Variants in DSCAML1 observed in about 807,000 individuals in gnomAD.
The protein encoded by DSCAML1 is DS cell adhesion molecule like 1, also known as cell adhesion molecule DSCAML1.
In DSCAML1, 38 loss-of-function variants were observed where a neutral mutation model predicts 200.5. The ratio of observed to expected loss-of-function variants is 0.19; its 90% CI spans 0.15 to 0.25. The LOEUF (loss-of-function observed/expected upper bound fraction) is 0.25. Among genes scored for constraint, DSCAML1 ranks in the 10% least tolerant of loss-of-function variants. The pLI, the probability that DSCAML1 is intolerant of heterozygous loss-of-function variation, is 1.00. For missense variants in DSCAML1, 2,223 were observed against 2,858.8 expected, an observed-to-expected ratio of 0.78 and a Z score of 5.07; for synonymous variants, 1,215 against 1,165.0, an observed-to-expected ratio of 1.04 and a Z score of -0.87.
At chr11:117,785,470 G>T (rs1412797625) in intron 1 of DSCAML1, among the ~76,000 whole-genome samples, 1 of 152,136 alleles carries the variant, frequency 6.6e-6, no homozygotes, top group South Asian at 2.1e-4. Context: ...AACCTTGCAG[G>T]CTGGAGCACT....
chr11:117,458,729 G>C (rs762444826), intron 19 of DSCAML1, 25 bp downstream of exon 19: 22 of 1,608,634 alleles, frequency 1.4e-5, no homozygotes, highest in East Asian at 1.3e-4. Flanking sequence ...GGGCCAGCCT[G>C]TCCCAAGGAG....
At chr11:117,652,419 G>A (rs1157321321) in intron 3 of DSCAML1, among the ~76,000 whole-genome samples, 3 of 152,162 alleles carry the variant, frequency 2.0e-5, no homozygotes, top group Admixed American at 6.5e-5. Context: ...GTCCCACCAC[G>A]CCATGCCCTT....
intron 3 of DSCAML1, among the ~76,000 whole-genome samples, chr11:117,542,654 G>A (rs1188037080): frequency 6.6e-6 from 1 of 152,240 alleles, no homozygotes; most frequent in Admixed American, 6.5e-5. Context: ...AAAGCACCCC[G>A]AGGTGCATGA....
intron 3 of DSCAML1, among the ~76,000 whole-genome samples, chr11:117,546,042 C>A (rs1317455954): frequency 6.6e-6 from 1 of 152,238 alleles, no homozygotes; most frequent in Non-Finnish European, 1.5e-5. Flanking sequence ...CACGCAGAGC[C>A]AGAAGCTTTG....
rs915870006 is a variant in DSCAML1, at chr11:117,480,347, A to C, written c.2785+96T>G. 6.5e-7 allele frequency: 1 copy of C among 1,542,440 alleles called. No homozygotes were observed. The highest frequency in any genetic ancestry group is 1.7e-4 in the Middle Eastern group (1 of 5,742). ...TGTCTAGCTTGGATGGGCAGCCCTA[A>C]GGCTCAGGGGCTCTCCTCCCAGAGG... On this transcript the variant is annotated intron_variant, in intron 14 of 32. Transcript: ENST00000651296. This position sits in a 1 kb window ranked among gnomAD's most constrained non-coding sequence, Gnocchi z 4.1.
chr11:117,759,851 C>T (rs1183938301), intron 3 of DSCAML1, among the ~76,000 whole-genome samples: 3 of 152,152 alleles, frequency 2.0e-5, no homozygotes, highest in Non-Finnish European at 2.9e-5. Flanking sequence ...AACAGGATCC[C>T]GAGGCAGACA....
chr11:117,499,228 A>G (rs1487227421), intron 11 of DSCAML1, among the ~76,000 whole-genome samples: 1 of 152,196 alleles, frequency 6.6e-6, no homozygotes, highest in Non-Finnish European at 1.5e-5. Flanking sequence ...TACATTTTAA[A>G]AGGGAAATAA....
At chr11:117,660,345 G>A (rs532718537) in intron 3 of DSCAML1, among the ~76,000 whole-genome samples, 24 of 152,286 alleles carry the variant, frequency 1.6e-4, no homozygotes, top group Non-Finnish European at 2.9e-4. Flanking sequence ...CTAAATTGAG[G>A]GCTTGGTTCT....
chr11:117,649,436 A>G (rs529122765), intron 3 of DSCAML1, among the ~76,000 whole-genome samples: 2 of 152,234 alleles, frequency 1.3e-5, no homozygotes, highest in East Asian at 3.9e-4. Context: ...TCCAGCCCTG[A>G]TAAGTTCCCC....
rs570360699 is a variant in DSCAML1, at chr11:117,634,452, T to C, written c.512-101930A>G. Reference sequence around the variant, plus strand: ...TCTGTCTGGCTTGGCAAGACAGCCCTGCCGAAGGCCCGTCCAGCTCCTAGA... The same window carrying C: ...TCTGTCTGGCTTGGCAAGACAGCCCCGCCGAAGGCCCGTCCAGCTCCTAGA... On this transcript the variant is annotated intron_variant, in intron 3 of 32. Coordinates refer to ENST00000651296, the MANE Select transcript of DSCAML1 (RefSeq NM_020693.4). Among the ~76,000 whole-genome samples the C allele has an allele frequency of 4.9e-4, 74 of 152,292 alleles. 1 individual carries two copies. Among genetic ancestry groups the C allele is most frequent in the African/African-American group, 1.7e-3 (72 of 41,562 alleles).
intron 3 of DSCAML1, among the ~76,000 whole-genome samples, chr11:117,609,191 C>T (rs1257496933): frequency 6.6e-6 from 1 of 150,894 alleles, no homozygotes; most frequent in Middle Eastern, 3.2e-3. Flanking sequence ...AGAGCCAGAC[C>T]CTATCTCAAT....
chr11:117,639,187 A>G lies in DSCAML1; in HGVS notation c.512-106665T>C, dbSNP rs114504193. Among the ~76,000 whole-genome samples, 381 of 152,224 alleles carry G rather than the reference A, an allele frequency of 2.5e-3. 6 individuals are homozygous for G. The highest frequency in any genetic ancestry group is 8.9e-3 in the African/African-American group (371 of 41,544). On this transcript the variant is annotated intron_variant, in intron 3 of 32. Transcript: ENST00000651296. ...AAACAAAGCTGGATACACTTGGAGA[A>G]AGGCTACCTAGGGGCCCCTGGCTGG...
At chr11:117,617,846 TC>T (rs1379817662) in intron 3 of DSCAML1, among the ~76,000 whole-genome samples, 2 of 151,948 alleles carry the variant, frequency 1.3e-5, no homozygotes, top group Non-Finnish European at 2.9e-5. Context: ...GTGCCTCCCC[TC>T]GCTACCCCCT....
At chr11:117,484,705 A>G (rs1030215728) in intron 11 of DSCAML1, among the ~76,000 whole-genome samples, 1 of 152,212 alleles carries the variant, frequency 6.6e-6, no homozygotes, top group Non-Finnish European at 1.5e-5. Context: ...TACACCAACA[A>G]GTCAGGACTT....
chr11:117,651,875 G>T (rs1468573848), intron 3 of DSCAML1, among the ~76,000 whole-genome samples: 1 of 152,136 alleles, frequency 6.6e-6, no homozygotes, highest in Non-Finnish European at 1.5e-5. Flanking sequence ...TGCAGAAATA[G>T]GTTCAGGGAA....
At chr11:117,574,029 G>A (rs1254830207) in intron 3 of DSCAML1, among the ~76,000 whole-genome samples, 5 of 152,202 alleles carry the variant, frequency 3.3e-5, no homozygotes, top group Non-Finnish European at 7.3e-5. Context: ...AGCTGGGAAG[G>A]AGGAAGTGCT....
chr11:117,674,475 G>C (rs1331011467), intron 3 of DSCAML1, among the ~76,000 whole-genome samples: 1 of 152,098 alleles, frequency 6.6e-6, no homozygotes, highest in African/African-American at 2.4e-5. Flanking sequence ...CAGTGGATGG[G>C]GTCATCCCAA....
rs532988843 is a variant in DSCAML1 at position 117,713,626 on chromosome 11, G to A, written c.511+63165C>T. 5.2e-4 allele frequency among the ~76,000 whole-genome samples: 79 copies of A among 152,312 alleles called. 1 individual carries two copies. In the South Asian group the frequency reaches 5.2e-3, roughly 10 times the overall value. On this transcript the variant is annotated intron_variant, in intron 3 of 32. Coordinates refer to ENST00000651296, the MANE Select transcript of DSCAML1 (RefSeq NM_020693.4). ...ATGGTTATAAAAGAGGTCAGAGCTTGACTGAGCTTAATAGATTCATTAATT... is the reference window on the plus strand; with the variant it reads ...ATGGTTATAAAAGAGGTCAGAGCTTAACTGAGCTTAATAGATTCATTAATT...
intron 22 of DSCAML1, 136 bp from the exon 23 acceptor site, chr11:117,439,565 C>T: frequency 8.4e-7 from 1 of 1,194,108 alleles, no homozygotes; most frequent in Non-Finnish European, 1.2e-6. Context: ...TGGGGCTTTG[C>T]TCAGCACTCC....
Sources: gnomAD v4.1 joint callset for allele counts (sites outside exome capture counted in the v4.1 genomes callset) on GRCh38, gnomAD v4.1.1 for gene constraint, Gnocchi (gnomAD v3.1) non-coding constraint, MANE v1.5 for transcripts, NCBI Gene and HGNC (gene_info 2026-07-23, HGNC 2026-07-21) for gene names.